The following PRPF4 variants were observed in gnomAD, a reference collection of about 807,000 sequenced individuals.
PRPF4 encodes the protein U4/U6 small nuclear ribonucleoprotein Prp4.
A neutral mutation model predicts 72.2 loss-of-function variants in PRPF4; 14 were observed. That is an observed-to-expected ratio of 0.19 (90% CI 0.13 to 0.30). The LOEUF (loss-of-function observed/expected upper bound fraction) is 0.30. Ranked by LOEUF, PRPF4 falls within the 10% of genes least tolerant of loss-of-function variation. The pLI is 1.00. For synonymous variants in PRPF4, 225 were observed against 232.2 expected (o/e 0.97, Z 0.28); for missense variants, 478 against 653.9 (o/e 0.73, Z 2.93).
chr9:113,285,163 A>G (rs1832398007), intron 7 of PRPF4, among the ~76,000 whole-genome samples: 1 of 151,430 alleles, frequency 6.6e-6, no homozygotes, highest in African/African-American at 2.4e-5. Context: ...GATAATAGAT[A>G]TAAAAGTAAT....
intron 3 of PRPF4, among the ~76,000 whole-genome samples, chr9:113,280,641 A>C (rs572837217): frequency 6.6e-6 from 1 of 152,286 alleles, no homozygotes; most frequent in South Asian, 2.1e-4. Flanking sequence ...GCTTGCTTAA[A>C]ATCCTAGATT....
intron 2 of PRPF4, 61 bp from the exon 3 acceptor site, chr9:113,278,884 A>G (rs1832190739): frequency 6.5e-7 from 1 of 1,546,122 alleles, no homozygotes; most frequent in Non-Finnish European, 8.9e-7. Context: ...TGCAATTACT[A>G]GAAATTATTT....
intron 10 of PRPF4, among the ~76,000 whole-genome samples, chr9:113,290,102 C>A (rs1401951231): frequency 6.6e-6 from 1 of 152,114 alleles, no homozygotes. Flanking sequence ...CACCTGTAGT[C>A]CCAGCTACTC....
rs1417614318 is a variant in PRPF4, at chr9:113,290,744, G to A, written c.1190G>A (p.Arg397His). 2.5e-6 allele frequency: 4 copies of A among 1,614,174 alleles called. No individual in the cohort carries two copies. Among genetic ancestry groups the A allele is most frequent in the East Asian group, 2.2e-5 (1 of 44,892 alleles). The stretch of plus-strand genomic sequence containing the variant: ...CGAGTTTGGGACCTACGCACAGGAC[G>A]TTGTATCATGTTCTTAGAAGGCCAC... ...FGRVWDLRTG[R>H]CIMFLEGHLK... The change falls in exon 12 of 14, where the codon CGT becomes CAT. Residue 397 changes from arginine (R) to histidine (H), a missense_variant. Physicochemically the swap from Arg to His is conservative, Grantham distance 29. Transcript: ENST00000374198.
chr9:113,290,970 C>T lies in PRPF4; in HGVS notation c.1326C>T (p.Tyr442=), dbSNP rs1437570373. The change falls in exon 13 of 14, where the codon TAC becomes TAT. Residue 442 remains tyrosine (Y), a synonymous_variant. Coordinates refer to ENST00000374198, the MANE Select transcript of PRPF4 (RefSeq NM_001244926.2). ...VWDLRQRRCV[Y]TIPAHQNLVT... is the part of the protein sequence containing the mutation. Reference sequence around the variant, plus strand: ...ACCTCCGACAGCGGCGTTGCGTCTACACCATCCCTGCTCATCAGAACTTAG... The same window carrying T: ...ACCTCCGACAGCGGCGTTGCGTCTATACCATCCCTGCTCATCAGAACTTAG... The T allele has an allele frequency of 1.9e-6, 3 of 1,614,112 alleles. No individual in the cohort carries two copies. The African/African-American group carries it at 4.0e-5, about 22-fold the overall frequency.
chr9:113,286,448 TC>T lies in PRPF4; in HGVS notation c.808+160del, dbSNP rs565578105. Among the ~76,000 whole-genome samples the T allele has an allele frequency of 3.5e-4, 53 of 152,324 alleles. No individual in the cohort carries two copies. The East Asian group carries it at 4.8e-3, about 14-fold the overall frequency. Reference sequence around the variant, plus strand: ...GCTGCAAGACTGGACTATCACAACTTCCTACACATCCACTTTTCTCTCATGT... The same window carrying T: ...GCTGCAAGACTGGACTATCACAACTTCTACACATCCACTTTTCTCTCATGT... On this transcript the variant is annotated intron_variant, in intron 8 of 13. Transcript: ENST00000374198.
Position 113,275,684 on chromosome 9 carries a change from T to C in PRPF4, c.-60T>C. The C allele has an allele frequency of 1.3e-6, 2 of 1,573,276 alleles. No individual in the cohort carries two copies. Among genetic ancestry groups the C allele is most frequent in the Admixed American group, 1.8e-5 (1 of 54,968 alleles). On this transcript the variant is annotated 5_prime_UTR_variant, in exon 1 of 14. Transcript: ENST00000374198. ...CACTTCCCCTCTGCTGGGCGCGCGG[T>C]GGACGGTCTGAAAGGGAGTGTTCGG...
chr9:113,280,398 T>C (rs1832243090), intron 3 of PRPF4, among the ~76,000 whole-genome samples: 1 of 152,198 alleles, frequency 6.6e-6, no homozygotes, highest in African/African-American at 2.4e-5. Context: ...CACTGCAGCT[T>C]AGGTATCCCA....
Position 113,284,407 on chromosome 9 carries a change from A to G in PRPF4, c.749+18A>G, listed in dbSNP as rs187758621. 9.5e-6 allele frequency: 15 copies of G among 1,582,388 alleles called. 1 individual carries two copies. The highest frequency in any genetic ancestry group is 1.7e-4 in the Middle Eastern group (1 of 5,996). ...GCTTGTTGGTAAGTTCCATTTTACA[A>G]TGACATTTTTTCCTAAATGGGGAAC... On this transcript the variant is annotated intron_variant, in intron 7 of 13. Transcript: ENST00000374198.
intron 10 of PRPF4, 41 bp from the exon 11 acceptor site, chr9:113,290,425 T>C: frequency 6.2e-7 from 1 of 1,613,398 alleles, no homozygotes; most frequent in Non-Finnish European, 8.5e-7. Flanking sequence ...AGAAACTGAA[T>C]AAATATCAGC....
At chr9:113,286,384 A>G (rs1204545093) in intron 8 of PRPF4, 94 bp downstream of exon 8, 2 of 1,178,562 alleles carry the variant, frequency 1.7e-6, no homozygotes, top group Non-Finnish European at 2.5e-6. Flanking sequence ...CCATACACAC[A>G]GCATTAATCC....
At position 113,279,064 on chromosome 9, in the gene PRPF4, G is replaced by A. The variant is rs1832195240; in HGVS notation, c.325G>A (p.Ala109Thr). Residue 109 changes from alanine (A) to threonine (T), a missense_variant, in exon 3 of 14, where the codon GCT (alanine) becomes ACT (threonine). Coordinates refer to ENST00000374198, the MANE Select transcript of PRPF4 (RefSeq NM_001244926.2). The part of the protein sequence containing the change: ...NVSTDDSEVK[A>T]CLRALGEPIT... ...TTCCACAGATGACTCAGAGGTCAAA[G>A]CTTGCCTTAGAGCCTTGGGGGAACC... 6.2e-7 allele frequency: 1 copy of A among 1,614,140 alleles called. No homozygotes were observed. Among genetic ancestry groups the A allele is most frequent in the Non-Finnish European group, 8.5e-7 (1 of 1,180,056 alleles).
At chr9:113,283,282 G>A (rs1832335885) in intron 5 of PRPF4, 71 bp downstream of exon 5, 14 of 1,613,562 alleles carry the variant, frequency 8.7e-6, no homozygotes, top group Non-Finnish European at 1.2e-5. Context: ...ACTGAGTGCT[G>A]GATAATGACT....
chr9:113,278,704 A>G (rs141262696), intron 2 of PRPF4, among the ~76,000 whole-genome samples: 23 of 152,346 alleles, frequency 1.5e-4, no homozygotes, highest in Admixed American at 1.4e-3. Flanking sequence ...GTGTGTGTTT[A>G]TATAGGCACA....
At chr9:113,283,273 C>T in intron 5 of PRPF4, 62 bp downstream of exon 5, 2 of 1,613,888 alleles carry the variant, frequency 1.2e-6, no homozygotes, top group Non-Finnish European at 1.7e-6. Context: ...CTCTCAGGAA[C>T]TGAGTGCTGG....
chr9:113,288,315 A>T, intron 10 of PRPF4, 51 bp downstream of exon 10: 1 of 1,546,174 alleles, frequency 6.5e-7, no homozygotes, highest in Non-Finnish European at 8.9e-7. Flanking sequence ...GCATCTTCTT[A>T]ACCCTTTATG....
chr9:113,287,104 A>G (rs1832471178), intron 9 of PRPF4, among the ~76,000 whole-genome samples: 1 of 152,214 alleles, frequency 6.6e-6, no homozygotes, highest in Non-Finnish European at 1.5e-5. Context: ...TTTAAGAGTC[A>G]AGGTAACCTA....
chr9:113,290,860 A>T, intron 12 of PRPF4, 38 bp from the exon 13 acceptor site: 1 of 1,611,902 alleles, frequency 6.2e-7, no homozygotes, highest in East Asian at 2.2e-5. Flanking sequence ...GTCAGTAAGT[A>T]CTCTATTTCT....
intron 10 of PRPF4, among the ~76,000 whole-genome samples, chr9:113,289,280 G>A (rs944814778): frequency 1.3e-5 from 2 of 152,144 alleles, no homozygotes; most frequent in Non-Finnish European, 2.9e-5. Flanking sequence ...CTGTTTCCAG[G>A]TCTGGGCCAG....
Sources: allele counts gnomAD v4.1 joint callset (sites outside exome capture counted in the v4.1 genomes callset), GRCh38; gene constraint gnomAD v4.1.1; transcripts MANE v1.5; gene names NCBI Gene and HGNC (gene_info 2026-07-23, HGNC 2026-07-21).